Variants in USH2A observed in about 807,000 individuals in gnomAD.
The protein encoded by USH2A is usherin.
Under a neutral mutation model 538.9 loss-of-function variants are expected in USH2A, and 443 were observed. The ratio of observed to expected loss-of-function variants is 0.82; its 90% confidence interval spans 0.76 to 0.89. The LOEUF (loss-of-function observed/expected upper bound fraction) is 0.89, where lower values mean the gene tolerates loss of function less well. Ranked by LOEUF, USH2A falls within the 40% of genes least tolerant of loss-of-function variation. The pLI is 0.00. For missense variants in USH2A, 6,633 were observed against 6,324.8 expected, an observed-to-expected ratio of 1.05 and a Z score of -1.65; for synonymous variants, 2,413 against 2,273.5, an observed-to-expected ratio of 1.06 and a Z score of -1.75.
chr1:216,226,809 C>T (rs1362329351), intron 14 of USH2A, among the ~76,000 whole-genome samples: 1 of 152,134 alleles, frequency 6.6e-6, no homozygotes, highest in Non-Finnish European at 1.5e-5. Context: ...TCCTTGTGGT[C>T]TTCATCCGGT....
chr1:216,228,442 C>T (rs1320383328), intron 14 of USH2A, among the ~76,000 whole-genome samples: 1 of 152,122 alleles, frequency 6.6e-6, no homozygotes, highest in East Asian at 1.9e-4. Context: ...TTGTAACTCC[C>T]ACAATTCCCA....
intron 61 of USH2A, among the ~76,000 whole-genome samples, chr1:215,714,517 GC>G (rs879834650): frequency 2.0e-5 from 3 of 152,126 alleles, no homozygotes; most frequent in Non-Finnish European, 2.9e-5. Context: ...ATGCATGCAT[GC>G]AAAAAGAATA....
At chr1:216,059,111 T>G (rs561326420) in intron 30 of USH2A, among the ~76,000 whole-genome samples, 72 of 152,264 alleles carry the variant, frequency 4.7e-4, no homozygotes, top group East Asian at 1.4e-3. Context: ...TACATATATA[T>G]AGAGAGAATA....
Position 216,011,173 on chromosome 1 carries a change from C to T in USH2A, c.6326-10611G>A, listed in dbSNP as rs191825116. Reference sequence around the variant, plus strand: ...TCAACCAAATTGTTTTGCCTATCCACCCCATGGTGCCAAACCCGTATACTC... The same window carrying T: ...TCAACCAAATTGTTTTGCCTATCCATCCCATGGTGCCAAACCCGTATACTC... On this transcript the variant is annotated intron_variant, in intron 32 of 71. Transcript: ENST00000307340. Among the ~76,000 whole-genome samples the T allele has an allele frequency of 7.1e-3, 1,086 of 152,282 alleles. 14 individuals are homozygous for T. The highest frequency in any genetic ancestry group is 0.025 in the African/African-American group (1,038 of 41,562).
At chr1:216,366,583 C>T (rs2038601457) in intron 3 of USH2A, among the ~76,000 whole-genome samples, 1 of 143,782 alleles carries the variant, frequency 7.0e-6, no homozygotes. Context: ...TTTTCAATGT[C>T]CCCCCCCAAA....
intron 32 of USH2A, among the ~76,000 whole-genome samples, chr1:216,035,829 C>T (rs748331143): frequency 6.6e-6 from 1 of 151,920 alleles, no homozygotes; most frequent in Non-Finnish European, 1.5e-5. Flanking sequence ...TTGTTGGATG[C>T]CAGTTGGGTC....
At chr1:215,644,266 GCT>G (rs1656779079) in intron 67 of USH2A, among the ~76,000 whole-genome samples, 1 of 152,188 alleles carries the variant, frequency 6.6e-6, no homozygotes, top group African/African-American at 2.4e-5. Context: ...AAAGTTGCAA[GCT>G]CTGTCTGGGG....
At chr1:215,645,587 C>T (rs914912708) in intron 67 of USH2A, among the ~76,000 whole-genome samples, 2 of 152,256 alleles carry the variant, frequency 1.3e-5, no homozygotes, top group Non-Finnish European at 2.9e-5. Context: ...ACAAACAAGT[C>T]CTCTGTAAAT....
chr1:215,979,840 C>A (rs537852074), intron 35 of USH2A, among the ~76,000 whole-genome samples: 132 of 152,238 alleles, frequency 8.7e-4, no homozygotes, highest in African/African-American at 3.0e-3. Context: ...AAGCCTACTT[C>A]CAAAGTACTA....
chr1:216,250,380 C>T (rs2036134239), intron 12 of USH2A, among the ~76,000 whole-genome samples: 1 of 152,038 alleles, frequency 6.6e-6, no homozygotes, highest in Admixed American at 6.6e-5. Context: ...TAGCAATATA[C>T]ATGATCTGTA....
chr1:216,248,818 T>G (rs1371751967), intron 12 of USH2A, among the ~76,000 whole-genome samples: 1 of 152,106 alleles, frequency 6.6e-6, no homozygotes, highest in Non-Finnish European at 1.5e-5. Flanking sequence ...ACAGGTAATC[T>G]ATTCCTAACG....
intron 11 of USH2A, among the ~76,000 whole-genome samples, chr1:216,251,532 G>A (rs151036856): frequency 0.013 from 1,623 of 128,346 alleles, 30 homozygotes; most frequent in African/African-American, 0.044. Flanking sequence ...CTCACTGCAA[G>A]CTCCGCCTTC....
At chr1:215,878,527 C>A (rs1664830211) in intron 42 of USH2A, among the ~76,000 whole-genome samples, 1 of 152,052 alleles carries the variant, frequency 6.6e-6, no homozygotes, top group Non-Finnish European at 1.5e-5. Context: ...GTAGCGAATC[C>A]TTAGACAATA....
At chr1:216,063,068 T>G (rs2031235328) in intron 30 of USH2A, among the ~76,000 whole-genome samples, 1 of 152,172 alleles carries the variant, frequency 6.6e-6, no homozygotes, top group South Asian at 2.1e-4. Context: ...TATTAAAATC[T>G]CAACAAAAGT....
At chr1:216,277,125 G>C (rs2036685047) in intron 11 of USH2A, among the ~76,000 whole-genome samples, 1 of 152,014 alleles carries the variant, frequency 6.6e-6, no homozygotes. Context: ...GTCTGTTCTT[G>C]CTAAAAGTCT....
chr1:216,418,459 AG>A, intron 3 of USH2A, 54 bp downstream of exon 3: 1 of 1,596,500 alleles, frequency 6.3e-7, no homozygotes, highest in South Asian at 1.1e-5. Flanking sequence ...AAAGAGAGAA[AG>A]GAAGACAAAT....
intron 67 of USH2A, among the ~76,000 whole-genome samples, chr1:215,644,824 G>T (rs1424893733): frequency 6.6e-6 from 1 of 152,210 alleles, no homozygotes; most frequent in African/African-American, 2.4e-5. Context: ...CGTTCCTCAG[G>T]AAAGTTTTGC....
chr1:215,797,044 C>T (rs6664028), intron 50 of USH2A, among the ~76,000 whole-genome samples: 12,788 of 152,158 alleles, frequency 0.084, 573 homozygotes, highest in East Asian at 0.18. Context: ...ACTTATCATT[C>T]ACTTATGAAT....
intron 61 of USH2A, among the ~76,000 whole-genome samples, chr1:215,708,195 T>C (rs889196812): frequency 6.6e-6 from 1 of 152,206 alleles, no homozygotes; most frequent in Admixed American, 6.5e-5. Context: ...TTTTCCTCCA[T>C]TGCCCTTAGC....
Sources: gnomAD v4.1 joint callset for allele counts (sites outside exome capture counted in the v4.1 genomes callset) on GRCh38, gnomAD v4.1.1 for gene constraint, MANE v1.5 for transcripts, NCBI Gene and HGNC (gene_info 2026-07-23, HGNC 2026-07-21) for gene names.